The following KCNK10 variants were observed in gnomAD, a reference collection of about 807,000 sequenced individuals.
KCNK10 encodes potassium channel subfamily K member 10.
In KCNK10, 25 loss-of-function variants were observed where a neutral mutation model predicts 47.7. That is an observed-to-expected ratio of 0.52 (90% CI 0.38 to 0.73). The LOEUF (loss-of-function observed/expected upper bound fraction) is 0.73, where lower values mean the gene tolerates loss of function less well. Among genes scored for constraint, KCNK10 ranks in the 30% least tolerant of loss-of-function variants. KCNK10 has a pLI of 0.00. For missense variants in KCNK10, 563 were observed against 714.5 expected (o/e 0.79, Z 2.42); for synonymous variants, 303 against 285.6 (o/e 1.06, Z -0.61).
At chr14:88,209,928 T>C (rs1212038608) in intron 4 of KCNK10, among the ~76,000 whole-genome samples, 1 of 152,200 alleles carries the variant, frequency 6.6e-6, no homozygotes. Context: ...ACATTTAGCT[T>C]TAAGCCCCTA....
chr14:88,302,833 C>G (rs1300311325), intron 1 of KCNK10, among the ~76,000 whole-genome samples: 2 of 152,070 alleles, frequency 1.3e-5, no homozygotes, highest in Non-Finnish European at 2.9e-5. Context: ...TAGGAAGGGT[C>G]AGGGAAAATG....
intron 1 of KCNK10, among the ~76,000 whole-genome samples, chr14:88,307,777 A>G (rs1888233455): frequency 6.6e-6 from 1 of 152,166 alleles, no homozygotes. Flanking sequence ...TAAATTACAT[A>G]TTATATGTTA....
At chr14:88,200,174 T>C (rs1344586209) in intron 4 of KCNK10, among the ~76,000 whole-genome samples, 2 of 152,098 alleles carry the variant, frequency 1.3e-5, no homozygotes, top group East Asian at 1.9e-4. Flanking sequence ...CTTCCTTCTT[T>C]TTTTAGACAA....
intron 4 of KCNK10, among the ~76,000 whole-genome samples, chr14:88,194,510 G>A (rs1344883063): frequency 1.3e-5 from 2 of 152,172 alleles, no homozygotes; most frequent in Admixed American, 6.5e-5. Flanking sequence ...TGAGATGCTT[G>A]TTAAGTCATA....
chr14:88,271,800 G>T (rs1444793621), intron 1 of KCNK10, among the ~76,000 whole-genome samples: 1 of 151,992 alleles, frequency 6.6e-6, no homozygotes, highest in African/African-American at 2.4e-5. Flanking sequence ...CACAAGCTGG[G>T]GAGAGAACAA....
At chr14:88,289,831 T>G (rs961505951) in intron 1 of KCNK10, among the ~76,000 whole-genome samples, 1 of 152,252 alleles carries the variant, frequency 6.6e-6, no homozygotes, top group Non-Finnish European at 1.5e-5. Flanking sequence ...ATAATTCACT[T>G]GAAGTGCCTG....
chr14:88,266,270 C>G (rs914738736), intron 1 of KCNK10, among the ~76,000 whole-genome samples: 1 of 152,216 alleles, frequency 6.6e-6, no homozygotes. Context: ...GTTTGGCACT[C>G]CAGCAATACT....
At chr14:88,204,118 A>G (rs1347127557) in intron 4 of KCNK10, among the ~76,000 whole-genome samples, 2 of 152,194 alleles carry the variant, frequency 1.3e-5, no homozygotes, top group Non-Finnish European at 2.9e-5. Flanking sequence ...TACTCTTTGT[A>G]GTCTTTGTGA....
chr14:88,312,976 G>C (rs1888358098), intron 1 of KCNK10, among the ~76,000 whole-genome samples: 1 of 152,214 alleles, frequency 6.6e-6, no homozygotes, highest in Non-Finnish European at 1.5e-5. Context: ...TGGTTAAGTA[G>C]AAAATGCAGG....
chr14:88,212,484 G>A (rs912471964), intron 4 of KCNK10, among the ~76,000 whole-genome samples: 2 of 151,968 alleles, frequency 1.3e-5, no homozygotes, highest in African/African-American at 4.8e-5. Flanking sequence ...ATGAATTCGG[G>A]AGTCACCCTT....
At chr14:88,192,522 A>G in intron 4 of KCNK10, 112 bp from the exon 5 acceptor site, 3 of 886,916 alleles carry the variant, frequency 3.4e-6, no homozygotes, top group Non-Finnish European at 5.1e-6. Context: ...TTCTCTGGTC[A>G]TTGGCTGCTT....
chr14:88,255,660 G>A (rs746419056), intron 2 of KCNK10, among the ~76,000 whole-genome samples: 3 of 152,100 alleles, frequency 2.0e-5, no homozygotes, highest in Non-Finnish European at 2.9e-5. Flanking sequence ...GGCAAGCACC[G>A]AAGAGAGGCA....
At chr14:88,201,831 T>C (rs1292670109) in intron 4 of KCNK10, among the ~76,000 whole-genome samples, 1 of 152,008 alleles carries the variant, frequency 6.6e-6, no homozygotes, top group Non-Finnish European at 1.5e-5. Context: ...CTATTACCTT[T>C]CATGAAGAGA....
intron 3 of KCNK10, among the ~76,000 whole-genome samples, chr14:88,230,018 C>A (rs1595093556): frequency 6.6e-6 from 1 of 152,152 alleles, no homozygotes; most frequent in East Asian, 1.9e-4. Flanking sequence ...TAGGCACATT[C>A]TTAATCTCTC....
chr14:88,323,296 C>T (rs2139810623), upstream of KCNK10: 1 of 985,174 alleles, frequency 1.0e-6, no homozygotes, highest in Non-Finnish European at 1.2e-6. Context: ...CTCGCTCGGC[C>T]GCGCTGAGCG....
At chr14:88,254,099 C>T (rs990693581) in intron 2 of KCNK10, among the ~76,000 whole-genome samples, 3 of 152,060 alleles carry the variant, frequency 2.0e-5, no homozygotes, top group Non-Finnish European at 4.4e-5. Context: ...ATGAAGGCCC[C>T]GGGACTTTCT....
intron 1 of KCNK10, among the ~76,000 whole-genome samples, chr14:88,310,722 A>G (rs530917557): frequency 6.6e-6 from 1 of 152,210 alleles, no homozygotes; most frequent in Non-Finnish European, 1.5e-5. Flanking sequence ...TGAGGCCACA[A>G]GAACACAACT....
At chr14:88,246,939 C>T (rs185371487) in intron 2 of KCNK10, among the ~76,000 whole-genome samples, 7 of 152,296 alleles carry the variant, frequency 4.6e-5, no homozygotes, top group East Asian at 3.9e-4. Context: ...GGAACCCTTT[C>T]GGAGCACTTC....
At chr14:88,325,958 G>A (rs1888652209), upstream of KCNK10, among the ~76,000 whole-genome samples, 1 of 152,056 alleles carries the variant, frequency 6.6e-6, no homozygotes, top group Non-Finnish European at 1.5e-5. Flanking sequence ...TTGGGGATGG[G>A]GAGGTGGGGG....
Sources: allele counts gnomAD v4.1 joint callset (sites outside exome capture counted in the v4.1 genomes callset), GRCh38; gene constraint gnomAD v4.1.1; transcripts MANE v1.5; gene names NCBI Gene and HGNC (gene_info 2026-07-23, HGNC 2026-07-21).